The following SDCCAG8 variants were observed in gnomAD, a reference collection of about 807,000 sequenced individuals.
The protein encoded by SDCCAG8 is SHH signaling and ciliogenesis regulator SDCCAG8, also known as serologically defined colon cancer antigen 8.
SDCCAG8 carries 74 observed loss-of-function variants against 101.8 expected under a neutral mutation model. The ratio of observed to expected loss-of-function variants is 0.73; its 90% CI spans 0.60 to 0.88. SDCCAG8 has a LOEUF of 0.88. Among genes scored for constraint, SDCCAG8 ranks in the 40% least tolerant of loss-of-function variants. The probability of loss-of-function intolerance (pLI) is 0.00; values close to 1 mark genes in which losing one functional copy is unlikely to be tolerated. For synonymous variants in SDCCAG8, 281 were observed against 292.9 expected (o/e 0.96, Z 0.41); for missense variants, 787 against 822.6 (o/e 0.96, Z 0.53).
chr1:243,325,790 T>C (rs1262309780), intron 9 of SDCCAG8, among the ~76,000 whole-genome samples: 2 of 152,200 alleles, frequency 1.3e-5, no homozygotes, highest in African/African-American at 4.8e-5. Context: ...AAATAATCCA[T>C]GTATACCACT....
intron 16 of SDCCAG8, among the ~76,000 whole-genome samples, chr1:243,487,063 A>G (rs1665070074): frequency 1.3e-5 from 2 of 152,322 alleles, no homozygotes; most frequent in South Asian, 4.2e-4. Flanking sequence ...CGGAAGCATC[A>G]GATTGTCTGC....
chr1:243,292,415 C>G (rs927731901), intron 5 of SDCCAG8, among the ~76,000 whole-genome samples: 1 of 152,148 alleles, frequency 6.6e-6, no homozygotes, highest in African/African-American at 2.4e-5. Context: ...AATATTTTAA[C>G]GAAAGATGCT....
intron 16 of SDCCAG8, among the ~76,000 whole-genome samples, chr1:243,443,294 A>C (rs2082670770): frequency 6.6e-6 from 1 of 152,232 alleles, no homozygotes; most frequent in Non-Finnish European, 1.5e-5. Context: ...AGGGCGAAGA[A>C]GATGCATGGG....
intron 16 of SDCCAG8, among the ~76,000 whole-genome samples, chr1:243,431,058 G>A (rs2081727640): frequency 6.6e-6 from 1 of 152,064 alleles, no homozygotes; most frequent in Non-Finnish European, 1.5e-5. Context: ...TTAGCTGTGT[G>A]TGGTGGCGAG....
intron 8 of SDCCAG8, among the ~76,000 whole-genome samples, chr1:243,308,624 G>T (rs995159755): frequency 2.0e-5 from 3 of 152,214 alleles, no homozygotes; most frequent in Non-Finnish European, 2.9e-5. Flanking sequence ...TCATGTGTCT[G>T]TTGTAAGGAG....
At chr1:243,287,160 A>G (rs1319304575) in intron 5 of SDCCAG8, among the ~76,000 whole-genome samples, 2 of 152,202 alleles carry the variant, frequency 1.3e-5, no homozygotes, top group African/African-American at 4.8e-5. Context: ...TAGTGCTTAA[A>G]TCTTATGACT....
intron 12 of SDCCAG8, among the ~76,000 whole-genome samples, chr1:243,376,958 G>T (rs891713391): frequency 2.6e-5 from 4 of 152,106 alleles, no homozygotes; most frequent in African/African-American, 9.7e-5. Context: ...GTGATCTAAA[G>T]TATCACTCCG....
At chr1:243,409,169 G>C (rs922664686) in intron 13 of SDCCAG8, among the ~76,000 whole-genome samples, 1 of 152,132 alleles carries the variant, frequency 6.6e-6, no homozygotes, top group African/African-American at 2.4e-5. Context: ...GTTACTAGTA[G>C]ATTTGCTTTC....
chr1:243,377,413 TAA>T (rs1343058474), intron 12 of SDCCAG8, among the ~76,000 whole-genome samples: 3 of 151,990 alleles, frequency 2.0e-5, no homozygotes, highest in Admixed American at 6.6e-5. Context: ...TTTAAAGAAA[TAA>T]GTCAGTTTAA....
At chr1:243,327,803 C>A (rs886824513) in intron 9 of SDCCAG8, among the ~76,000 whole-genome samples, 1 of 152,196 alleles carries the variant, frequency 6.6e-6, no homozygotes, top group Non-Finnish European at 1.5e-5. Context: ...TTTTCTGATT[C>A]CAAGTGTTAC....
chr1:243,284,613 G>GCAAGAGGGGGCTGGAGCTGGATTTCT (rs2069410285), intron 4 of SDCCAG8, among the ~76,000 whole-genome samples: 1 of 152,190 alleles, frequency 6.6e-6, no homozygotes, highest in Admixed American at 6.5e-5. Flanking sequence ...CACACGGAAT[G>GCAAGAGGGGGCTGGAGCTGGATTTCT]CAAGAGGGGG....
At chr1:243,347,533 A>G (rs2075790186) in intron 12 of SDCCAG8, among the ~76,000 whole-genome samples, 1 of 152,222 alleles carries the variant, frequency 6.6e-6, no homozygotes, top group Admixed American at 6.5e-5. Context: ...AATTTTGTAC[A>G]TAATGTTTTG....
intron 16 of SDCCAG8, among the ~76,000 whole-genome samples, chr1:243,444,678 T>C (rs1240438753): frequency 1.3e-5 from 2 of 152,216 alleles, no homozygotes; most frequent in Non-Finnish European, 2.9e-5. Context: ...CCACTGCGCC[T>C]GGCCAGATCT....
chr1:243,258,009 T>C (rs1036927797), intron 1 of SDCCAG8, among the ~76,000 whole-genome samples: 1 of 152,238 alleles, frequency 6.6e-6, no homozygotes, highest in Non-Finnish European at 1.5e-5. Context: ...ATTAATGTTA[T>C]AGTAATATGT....
At chr1:243,496,315 C>T (rs1052373201) in intron 17 of SDCCAG8, among the ~76,000 whole-genome samples, 3 of 152,282 alleles carry the variant, frequency 2.0e-5, no homozygotes, top group African/African-American at 4.8e-5. Context: ...GCCCTGGCCC[C>T]GGTGCCCAGA....
intron 10 of SDCCAG8, among the ~76,000 whole-genome samples, chr1:243,334,917 C>T (rs1046016055): frequency 2.0e-5 from 3 of 152,122 alleles, no homozygotes; most frequent in African/African-American, 7.2e-5. Context: ...ACCTCGTCTC[C>T]GCGCCTCCCA....
At chr1:243,415,322 T>TA (rs146946296) in intron 13 of SDCCAG8, among the ~76,000 whole-genome samples, 2,000 of 152,284 alleles carry the variant, frequency 0.013, 17 homozygotes, top group Middle Eastern at 0.041. Context: ...TTTAAGAATT[T>TA]AAGTTTTGTT....
intron 8 of SDCCAG8, 47 bp from the exon 9 acceptor site, chr1:243,316,708 G>A (rs754561913): frequency 3.9e-5 from 63 of 1,612,402 alleles, no homozygotes; most frequent in Non-Finnish European, 5.3e-5. Context: ...ATGAGGACAG[G>A]ATCGTTTGAT....
In SDCCAG8 at chr1:243,344,233, T is replaced by C. The variant is rs1182496392; in HGVS notation, c.1375T>C (p.Tyr459His). ...CTAACAGGTGTGTGGAGAAATGCGC[T>C]ATCAGCTGAATAAAACCAACATGGA... Reference protein sequence around the residue: ...DVTKVCGEMRYQLNKTNMEKD... With the variant: ...DVTKVCGEMRHQLNKTNMEKD... The change falls in exon 12 of 18, where the codon TAT becomes CAT. Residue 459 changes from tyrosine to histidine, a missense_variant. By Grantham distance (83) the Tyr-to-His change is moderately conservative. Transcript: ENST00000366541. The C allele has an allele frequency of 2.5e-5, 41 of 1,613,924 alleles. No individual in the cohort carries two copies. Among genetic ancestry groups the C allele is most frequent in the Non-Finnish European group, 3.5e-5 (41 of 1,179,880 alleles).
Sources: allele counts gnomAD v4.1 joint callset (sites outside exome capture counted in the v4.1 genomes callset), GRCh38; gene constraint gnomAD v4.1.1; transcripts MANE v1.5; gene names NCBI Gene and HGNC (gene_info 2026-07-23, HGNC 2026-07-21).